NOX4: variants seen among roughly 807,000 people sequenced by gnomAD.
NOX4 encodes kidney oxidase-1.
A neutral mutation model predicts 87.6 loss-of-function variants in NOX4; 69 were observed. That is an observed-to-expected ratio of 0.79 (90% confidence interval 0.65 to 0.96). NOX4 has a LOEUF of 0.96. NOX4 is among the 40% of genes least tolerant of loss of function. NOX4 has a pLI of 0.00. For synonymous variants in NOX4, 275 were observed against 238.2 expected (o/e 1.15, Z -1.42); for missense variants, 680 against 681.5 (o/e 1.00, Z 0.02).
rs969041164 is a variant in NOX4 at position 89,376,319 on chromosome 11, C to T, written c.1075-2827G>A. ...GAATTCAGTATATGTGGTTTGAAAA[C>T]GTGAATGAAGATCTTAGAATCACAT... On this transcript the variant is annotated intron_variant, in intron 11 of 17. Transcript: ENST00000263317. Among the ~76,000 whole-genome samples, 8 of 152,136 alleles carry T rather than the reference C, an allele frequency of 5.3e-5. 1 individual carries two copies. The South Asian group carries it at 1.0e-3, about 20-fold the overall frequency.
At chr11:89,553,791 C>G in the NOX4 span, among the ~76,000 whole-genome samples, 2 of 151,746 alleles carry the variant, frequency 1.3e-5, no homozygotes, top group African/African-American at 4.8e-5. Context: ...GGCTTGACAG[C>G]ACCATTTTAT....
intron 11 of NOX4, among the ~76,000 whole-genome samples, chr11:89,396,847 T>G (rs1941527735): frequency 6.6e-6 from 1 of 152,086 alleles, no homozygotes; most frequent in Admixed American, 6.6e-5. Flanking sequence ...CAAAGAGACT[T>G]AGACTCCCAC....
intron 2 of NOX4, among the ~76,000 whole-genome samples, chr11:89,461,613 C>T (rs1382806250): frequency 7.7e-6 from 1 of 129,084 alleles, no homozygotes; most frequent in Non-Finnish European, 1.6e-5. Context: ...CCACTGCACT[C>T]CGACCTGGGC....
At chr11:89,484,244 T>G (rs1946499574) in intron 2 of NOX4, among the ~76,000 whole-genome samples, 1 of 152,162 alleles carries the variant, frequency 6.6e-6, no homozygotes, top group Non-Finnish European at 1.5e-5. Context: ...AGTTAGCATT[T>G]AGCTATATAT....
intron 12 of NOX4, among the ~76,000 whole-genome samples, chr11:89,360,380 T>A (rs1938426794): frequency 6.6e-6 from 1 of 152,096 alleles, no homozygotes; most frequent in South Asian, 2.1e-4. Context: ...TTTGAGGTGA[T>A]AAATACGTTA....
At chr11:89,441,706 A>G (rs1018465828) in intron 5 of NOX4, among the ~76,000 whole-genome samples, 2 of 152,132 alleles carry the variant, frequency 1.3e-5, no homozygotes, top group Non-Finnish European at 2.9e-5. Context: ...AATACCTAAG[A>G]AAACCCAGAA....
intron 2 of NOX4, among the ~76,000 whole-genome samples, chr11:89,484,450 T>G (rs531877080): frequency 6.6e-6 from 1 of 152,290 alleles, no homozygotes; most frequent in Non-Finnish European, 1.5e-5. Flanking sequence ...CATTTTAAAG[T>G]ATCATTTCAC....
chr11:89,583,970 G>C, the NOX4 span, among the ~76,000 whole-genome samples: 1 of 152,098 alleles, frequency 6.6e-6, no homozygotes, highest in African/African-American at 2.4e-5. Context: ...ATCTGAAATT[G>C]AGTAATGGTT....
intron 11 of NOX4, among the ~76,000 whole-genome samples, chr11:89,389,167 G>T (rs1321925202): frequency 1.3e-5 from 2 of 152,128 alleles, no homozygotes; most frequent in African/African-American, 4.8e-5. Context: ...GTGTACCACA[G>T]CAAGAAACAA....
At chr11:89,369,044 C>A (rs1177410219) in intron 12 of NOX4, among the ~76,000 whole-genome samples, 2 of 151,956 alleles carry the variant, frequency 1.3e-5, no homozygotes, top group African/African-American at 4.8e-5. Context: ...TAAACCTGTT[C>A]TTTAGTCCTT....
intron 6 of NOX4, among the ~76,000 whole-genome samples, chr11:89,438,601 AC>A (rs1397081964): frequency 3.5e-5 from 3 of 85,262 alleles, no homozygotes; most frequent in African/African-American, 4.9e-5. Context: ...TATATATAAT[AC>A]TATATATAAT....
At chr11:89,346,579 A>AAATGGCCCTCAAAGGCACT (rs57544181) in intron 13 of NOX4, among the ~76,000 whole-genome samples, 1 of 100,144 alleles carries the variant, frequency 1.0e-5, no homozygotes. Context: ...CAAAGAAAGA[A>AAATGGCCCTCAAAGGCACT]AGATGGAGAA....
At chr11:89,582,120 A>G in the NOX4 span, among the ~76,000 whole-genome samples, 3 of 152,156 alleles carry the variant, frequency 2.0e-5, no homozygotes, top group Non-Finnish European at 4.4e-5. Flanking sequence ...GGGGTCATTC[A>G]GTGTTCATCC....
chr11:89,362,572 T>A (rs1036975971), intron 12 of NOX4, among the ~76,000 whole-genome samples: 1 of 152,110 alleles, frequency 6.6e-6, no homozygotes, highest in African/African-American at 2.4e-5. Context: ...TTTGTTTGAA[T>A]TTTAGTTTTC....
At position 89,324,558 on chromosome 11, in the gene NOX4, G is replaced by C. The variant is rs1316063400; in HGVS notation, c.*2198C>G. Reference sequence around the variant, plus strand: ...TTAAATAAGCAAGGAGGCTCATCTAGAATGGCAGACCAGCTTTGAAACATC... The same window carrying C: ...TTAAATAAGCAAGGAGGCTCATCTACAATGGCAGACCAGCTTTGAAACATC... On this transcript the variant is annotated 3_prime_UTR_variant, in exon 18 of 18. Coordinates refer to ENST00000263317, the MANE Select transcript of NOX4 (RefSeq NM_016931.5). 1 of 152,120 alleles carries C rather than the reference G, an allele frequency of 6.6e-6. No homozygotes were observed. The highest frequency in any genetic ancestry group is 1.5e-5 in the Non-Finnish European group (1 of 68,024). The allele number at this position is 152,120 out of a possible 1,614,324, so 9.4% of individuals were successfully genotyped here. A position where few individuals can be genotyped will look rare whatever the true frequency, so the allele number is the denominator to read the frequency against.
chr11:89,449,207 G>A (rs1487729717), intron 4 of NOX4, among the ~76,000 whole-genome samples: 2 of 152,218 alleles, frequency 1.3e-5, no homozygotes. Flanking sequence ...TTTTCCATGT[G>A]TAATTTTACG....
rs927263406 is a variant in NOX4, at chr11:89,344,978, G to T, written c.1218-2785C>A. ...TTCTCTCTTCATGTAGGAAAAAAGT[G>T]AGTGTGATAAACTATTCCTCAGGAG... On this transcript the variant is annotated intron_variant, in intron 13 of 17. Transcript: ENST00000263317. Among the ~76,000 whole-genome samples, 6 of 152,286 alleles carry T rather than the reference G, an allele frequency of 3.9e-5. No homozygotes were observed. In the East Asian group the frequency reaches 5.8e-4, roughly 15 times the overall value.
At chr11:89,365,563 A>G (rs1190501553) in intron 12 of NOX4, among the ~76,000 whole-genome samples, 2 of 151,898 alleles carry the variant, frequency 1.3e-5, no homozygotes, top group Admixed American at 1.3e-4. Context: ...GAAAAATGTT[A>G]TATTTTCATT....
At chr11:89,374,697 G>A (rs1334892009) in intron 11 of NOX4, among the ~76,000 whole-genome samples, 4 of 152,158 alleles carry the variant, frequency 2.6e-5, no homozygotes, top group Non-Finnish European at 5.9e-5. Flanking sequence ...TAAAATGGGT[G>A]AGAGTTGCAT....
Sources: allele counts gnomAD v4.1 joint callset (sites outside exome capture counted in the v4.1 genomes callset), GRCh38; gene constraint gnomAD v4.1.1; transcripts MANE v1.5; gene names NCBI Gene and HGNC (gene_info 2026-07-23, HGNC 2026-07-21).